PCDH19: variants seen among roughly 807,000 people sequenced by gnomAD.
PCDH19 encodes the protein protocadherin 19.
A neutral mutation model predicts 46.2 loss-of-function variants in PCDH19; 6 were observed. That is an observed-to-expected ratio of 0.13 (90% confidence interval 0.07 to 0.26). The LOEUF (loss-of-function observed/expected upper bound fraction) is 0.26, where lower values mean the gene tolerates loss of function less well. Ranked by LOEUF, PCDH19 falls within the 10% of genes least tolerant of loss-of-function variation. PCDH19 has a pLI of 1.00. For synonymous variants in PCDH19, 481 were observed against 415.7 expected (o/e 1.16, Z -1.91); for missense variants, 740 against 972.3 (o/e 0.76, Z 3.18).
At chrX:100,366,762 G>T (rs1385467127) in intron 3 of PCDH19, among the ~76,000 whole-genome samples, 4 of 112,086 alleles carry the variant, frequency 3.6e-5, no homozygotes, top group Non-Finnish European at 7.5e-5. Flanking sequence ...CAAGTCCAAG[G>T]ACTTCTACTT....
rs1307561843 is a variant in PCDH19, at chrX:100,313,673, TA to T, written c.2849-16799del. Among the ~76,000 whole-genome samples the T allele has an allele frequency of 2.7e-4, 30 of 111,643 alleles. 1 individual carries two copies. Among genetic ancestry groups the T allele is most frequent in the Admixed American group, 7.6e-4 (8 of 10,503 alleles). ...TGCAAACAGCGCCTAGCTGTAGAGC[TA>T]AGGATCATCATTTGCTCATATATTA... is the stretch of plus-strand genomic sequence containing the variant. On this transcript the variant is annotated intron_variant, in intron 5 of 5. Coordinates refer to ENST00000373034, the MANE Select transcript of PCDH19 (RefSeq NM_001184880.2).
In PCDH19 at chrX:100,402,620, G is replaced by A; in HGVS notation, c.2520C>T (p.Thr840=). ...AGATGTGGTTAGCACTGGTGTTGCG[G>A]GTATTCTGGTTCTCCACATTCAGGA... is the stretch of plus-strand genomic sequence containing the variant. ...STFLNVENQN[T]RNTSANHIYH... Residue 840 remains threonine (T), a synonymous_variant, in exon 3 of 6, where the codon ACC becomes ACT. Transcript: ENST00000373034. 7 of 1,211,248 alleles carry A rather than the reference G, an allele frequency of 5.8e-6. No homozygotes were observed. Among genetic ancestry groups the A allele is most frequent in the Non-Finnish European group, 7.8e-6 (7 of 895,088 alleles).
intron 3 of PCDH19, among the ~76,000 whole-genome samples, chrX:100,389,789 A>G (rs1225050926): frequency 9.0e-6 from 1 of 111,715 alleles, no homozygotes; most frequent in Non-Finnish European, 1.9e-5. Context: ...AGTTTATGAT[A>G]CTTGTAGATA....
intron 5 of PCDH19, among the ~76,000 whole-genome samples, chrX:100,313,523 T>C (rs746863567): frequency 8.9e-6 from 1 of 112,374 alleles, no homozygotes; most frequent in Admixed American, 9.5e-5. Context: ...TCTTTGGCTC[T>C]AGTACTTTCT....
At position 100,408,561 on chromosome X, in the gene PCDH19, C is replaced by CCAG. The variant is rs770510483; in HGVS notation, c.34_36dup (p.Leu12dup). 1.7e-6 allele frequency: 2 copies of CCAG among 1,188,210 alleles called. No individual in the cohort carries two copies. Among genetic ancestry groups the CCAG allele is most frequent in the Non-Finnish European group, 2.3e-6 (2 of 888,867 alleles). The stretch of plus-strand genomic sequence containing the variant: ...GCGGCAGCCTGCGTCCACAGTATGG[C>CCAG]CAGCAGCAGCAGCACCGGCAGCAGG... On this transcript the variant is annotated inframe_insertion, in exon 1 of 6. Coordinates refer to ENST00000373034, the MANE Select transcript of PCDH19 (RefSeq NM_001184880.2).
At chrX:100,363,741 A>T (rs1375415470) in intron 3 of PCDH19, among the ~76,000 whole-genome samples, 5 of 99,284 alleles carry the variant, frequency 5.0e-5, no homozygotes, top group Admixed American at 1.2e-4. Flanking sequence ...TATATATATA[A>T]ATAATATATA....
chrX:100,367,249 C>T (rs920261624), intron 3 of PCDH19, among the ~76,000 whole-genome samples: 2 of 111,854 alleles, frequency 1.8e-5, no homozygotes, highest in African/African-American at 6.5e-5. Context: ...CCATGGGAGA[C>T]GCTAGGGATC....
At chrX:100,347,274 G>A (rs769491759) in intron 4 of PCDH19, among the ~76,000 whole-genome samples, 3 of 111,040 alleles carry the variant, frequency 2.7e-5, no homozygotes, top group African/African-American at 6.6e-5. Context: ...GGGGAGGACA[G>A]TGATATCAGG....
At chrX:100,306,492 ACACCT>A (rs1484415880) in intron 5 of PCDH19, among the ~76,000 whole-genome samples, 1 of 111,755 alleles carries the variant, frequency 8.9e-6, no homozygotes, top group African/African-American at 3.2e-5. Context: ...ATCTAAGGTC[ACACCT>A]CATTAAACTG....
Position 100,344,697 on chromosome X carries a change from G to A in PCDH19, c.2676-2622C>T, listed in dbSNP as rs181771231. Among the ~76,000 whole-genome samples, 77 of 99,122 alleles carry A rather than the reference G, an allele frequency of 7.8e-4. No homozygotes were observed. The East Asian group carries it at 0.01, about 13-fold the overall frequency. 86.1% of individuals were successfully genotyped at this position (99,122 alleles called of 115,157 possible). ...ACTTGCTTGAAACATATGATGGTGA[G>A]GGATCTAGTATGGGGGCAATGTAAT... is the stretch of plus-strand genomic sequence containing the variant. On this transcript the variant is annotated intron_variant, in intron 4 of 5. Transcript: ENST00000373034.
chrX:100,344,871 T>C (rs945220731), intron 4 of PCDH19, among the ~76,000 whole-genome samples: 2 of 105,359 alleles, frequency 1.9e-5, no homozygotes, highest in African/African-American at 6.9e-5. Flanking sequence ...GACCCCCACT[T>C]AAAGGAAAAA....
At chrX:100,322,865 A>ATATATATATTTTTTTTTT in intron 5 of PCDH19, among the ~76,000 whole-genome samples, 12 of 54,410 alleles carry the variant, frequency 2.2e-4, no homozygotes, top group South Asian at 7.8e-4. Flanking sequence ...ATATATATAT[A>ATATATATATTTTTTTTTT]TTTTTGCAGC....
In PCDH19 at chrX:100,292,006, A is replaced by G. The variant is rs1750902707; in HGVS notation, c.*4271T>C. 8.8e-6 allele frequency: 1 copy of G among 113,446 alleles called. No homozygotes were observed. Among genetic ancestry groups the G allele is most frequent in the Non-Finnish European group, 1.9e-5 (1 of 53,408 alleles). The allele number at this position is 113,446 out of a possible 1,213,427, so 9.3% of individuals were successfully genotyped here. A position where few individuals can be genotyped will look rare whatever the true frequency, so the allele number is the denominator to read the frequency against. The stretch of plus-strand genomic sequence containing the variant: ...TTCCACCCTGGTTTGACAGGTAAAC[A>G]GTAATAGTGTCATCAGGCTCATTCC... On this transcript the variant is annotated 3_prime_UTR_variant, in exon 6 of 6. Transcript: ENST00000373034.
In PCDH19 at chrX:100,408,723, G is replaced by T; in HGVS notation, c.-126C>A. ...CGCCCCGTGGCCCCGGAGGCCGCGG[G>T]AGAAGTCCCGCCCAGGGCGGCCCGG... On this transcript the variant is annotated 5_prime_UTR_variant, in exon 1 of 6. Transcript: ENST00000373034. 1 of 549,297 alleles carries T rather than the reference G, an allele frequency of 1.8e-6. No individual in the cohort carries two copies. The highest frequency in any genetic ancestry group is 2.8e-6 in the Non-Finnish European group (1 of 361,657). 45.3% of individuals were successfully genotyped at this position (549,297 alleles called of 1,213,427 possible).
intron 5 of PCDH19, among the ~76,000 whole-genome samples, chrX:100,310,976 A>G (rs1480908061): frequency 1.8e-5 from 2 of 108,555 alleles, no homozygotes; most frequent in Non-Finnish European, 3.8e-5. Context: ...TCGGTCTTCC[A>G]AGTAGCTGGG....
Position 100,401,907 on chromosome X carries a change from A to T in PCDH19, c.2616+617T>A, listed in dbSNP as rs188948973. Among the ~76,000 whole-genome samples the T allele has an allele frequency of 4.8e-3, 540 of 111,890 alleles. 4 individuals carry two copies. Among genetic ancestry groups the T allele is most frequent in the African/African-American group, 0.017 (516 of 30,807 alleles). On this transcript the variant is annotated intron_variant, in intron 3 of 5. Coordinates refer to ENST00000373034, the MANE Select transcript of PCDH19 (RefSeq NM_001184880.2). ...CACTGCAACCAGCCAACTAATTCTT[A>T]AATTTTCAGCAATAATGACAGTTTC...
At chrX:100,346,935 T>C (rs1240223718) in intron 4 of PCDH19, among the ~76,000 whole-genome samples, 1 of 110,896 alleles carries the variant, frequency 9.0e-6, no homozygotes, top group Non-Finnish European at 1.9e-5. Flanking sequence ...CTTTCCTTGC[T>C]CTGAGAAGAC....
intron 1 of PCDH19, among the ~76,000 whole-genome samples, chrX:100,406,134 C>CCT (rs748311027): frequency 3.8e-4 from 42 of 109,902 alleles, no homozygotes; most frequent in South Asian, 7.7e-4. Flanking sequence ...TCTCCCCCTC[C>CCT]CTCTCTCTCT....
Position 100,296,851 on chromosome X carries a change from C to G in PCDH19, c.2873G>C (p.Arg958Pro). 8.3e-7 allele frequency: 1 copy of G among 1,208,387 alleles called. No homozygotes were observed. The highest frequency in any genetic ancestry group is 1.1e-6 in the Non-Finnish European group (1 of 892,783). Residue 958 changes from arginine (R) to proline (P), a missense_variant, in exon 6 of 6, where the codon CGG becomes CCG. This residue lies in a region of PCDH19 where 416 missense variants were observed against 476.8 expected (regional missense o/e 0.87). Coordinates refer to ENST00000373034, the MANE Select transcript of PCDH19 (RefSeq NM_001184880.2). Reference sequence around the variant, plus strand: ...GTGGCCAAGAATCCGGCATTCTTCCCGGCAATGAAATCCTTCATTCTGATC... The same window carrying G: ...GTGGCCAAGAATCCGGCATTCTTCCGGGCAATGAAATCCTTCATTCTGATC... ...DHDQNEGFHC[R>P]EECRILGHSD... is the part of the protein sequence containing the mutation.
Sources: allele counts gnomAD v4.1 joint callset (sites outside exome capture counted in the v4.1 genomes callset), GRCh38; gene constraint gnomAD v4.1.1; regional missense constraint gnomAD v4.1.1; transcripts MANE v1.5; gene names NCBI Gene and HGNC (gene_info 2026-07-23, HGNC 2026-07-21).